DOHH: variants seen among roughly 807,000 people sequenced by gnomAD.
DOHH encodes HEAT-like (PBS lyase) repeat containing 1.
Under a neutral mutation model 19.9 loss-of-function variants are expected in DOHH, and 16 were observed. The observed-to-expected ratio is 0.80, with a 90% CI of 0.54 to 1.22. The LOEUF is 1.22. Among genes scored for constraint, DOHH ranks in the 50% most tolerant of loss-of-function variants. The pLI, the probability that DOHH is intolerant of heterozygous loss-of-function variation, is 0.00. For missense variants in DOHH, 460 were observed against 460.6 expected (o/e 1.00, Z 0.01); for synonymous variants, 233 against 217.0 (o/e 1.07, Z -0.65).
At position 3,491,728 on chromosome 19, in the gene DOHH, G is replaced by A; in HGVS notation, c.673C>T (p.Leu225=). ...GTGCATCGGGCCAGGGCGGCCGCCA[G>A]CTGGGGCACCGCCGCCTCGTGCTGC... ...QLQHEAAVPQ[L]AAALARCTEN... The change falls in exon 5 of 5, where the codon CTG becomes TTG. Residue 225 remains leucine, a synonymous_variant. Transcript: ENST00000427575. The surrounding 1 kb of genome is among the most constrained non-coding windows in gnomAD (Gnocchi z 5.6). The A allele has an allele frequency of 6.6e-7, 1 of 1,506,576 alleles. No individual in the cohort carries two copies. Among genetic ancestry groups the A allele is most frequent in the South Asian group, 1.3e-5 (1 of 79,310 alleles). The allele number at this position is 1,506,576 out of a possible 1,614,324, so 93.3% of individuals were successfully genotyped here.
Position 3,491,917 on chromosome 19 carries a change from T to C in DOHH, c.590-106A>G. 1 of 1,199,938 alleles carries C rather than the reference T, an allele frequency of 8.3e-7. No homozygotes were observed. The highest frequency in any genetic ancestry group is 1.1e-6 in the Non-Finnish European group (1 of 906,742). 74.3% of individuals were successfully genotyped at this position (1,199,938 alleles called of 1,614,324 possible). A position where few individuals can be genotyped will look rare whatever the true frequency, so the allele number is the denominator to read the frequency against. On this transcript the variant is annotated intron_variant, in intron 4 of 4. Coordinates refer to ENST00000427575, the MANE Select transcript of DOHH (RefSeq NM_001145165.2). The surrounding 1 kb of genome is among the most constrained non-coding windows in gnomAD (Gnocchi z 5.6). ...TATCTTGCCCAGGCAGGTCACAAAG[T>C]CCTGGCGATCTTCCCATCCCGGCCT...
At chr19:3,499,415 A>G (rs889668258) in intron 1 of DOHH, among the ~76,000 whole-genome samples, 4 of 152,240 alleles carry the variant, frequency 2.6e-5, no homozygotes, top group African/African-American at 9.6e-5. Context: ...GACTGAGTCT[A>G]TCTTGGTCAC....
chr19:3,492,567 G>A (rs1401714848), intron 3 of DOHH, 68 bp from the exon 4 acceptor site: 8 of 1,236,118 alleles, frequency 6.5e-6, no homozygotes, highest in Admixed American at 8.0e-5. Context: ...CCCACCCCCC[G>A]GGATGGCAGC....
intron 4 of DOHH, among the ~76,000 whole-genome samples, chr19:3,492,016 C>T (rs887168558): frequency 6.6e-6 from 1 of 152,156 alleles, no homozygotes; most frequent in African/African-American, 2.4e-5. Flanking sequence ...ACACCCCTGC[C>T]CCCAGCCCCA....
Position 3,496,556 on chromosome 19 carries a change from C to T in DOHH, c.259G>A (p.Val87Met). 1 of 1,612,220 alleles carries T rather than the reference C, an allele frequency of 6.2e-7. No individual in the cohort carries two copies. The highest frequency in any genetic ancestry group is 8.5e-7 in the Non-Finnish European group (1 of 1,179,166). The change falls in exon 2 of 5, where the codon GTG becomes ATG. Residue 87 changes from valine to methionine, a missense_variant. Val to Met is a conservative substitution (Grantham distance 21). Transcript: ENST00000427575. This position sits in a 1 kb window ranked among gnomAD's most constrained non-coding sequence, Gnocchi z 4.8. ...VLQDTRQEPM[V>M]RHEAGEALGA... ...AGGTGCTCACCTGCCTCATGGCGCA[C>T]CATGGGCTCCTGACGGGTGTCTTGC...
At position 3,496,366 on chromosome 19, in the gene DOHH, G is replaced by A. The variant is rs751723738; in HGVS notation, c.274+175C>T. ...AGCCATTTGGTGACAGATGACCTGC[G>A]CTGGCTTTATTGAGTCGCTGTCTGG... On this transcript the variant is annotated intron_variant, in intron 2 of 4. Coordinates refer to ENST00000427575, the MANE Select transcript of DOHH (RefSeq NM_001145165.2). This position sits in a 1 kb window ranked among gnomAD's most constrained non-coding sequence, Gnocchi z 4.8. 1.8e-4 allele frequency among the ~76,000 whole-genome samples: 28 copies of A among 152,210 alleles called. No homozygotes were observed. Among genetic ancestry groups the A allele is most frequent in the Non-Finnish European group, 3.4e-4 (23 of 68,042 alleles).
At position 3,491,741 on chromosome 19, in the gene DOHH, C is replaced by G; in HGVS notation, c.660G>C (p.Ala220=). ...GGGCGGCCGCCAGCTGGGGCACCGCCGCCTCGTGCTGCAGCTGTCCCAGGA... is the reference window on the plus strand; with the variant it reads ...GGGCGGCCGCCAGCTGGGGCACCGCGGCCTCGTGCTGCAGCTGTCCCAGGA... ...GYVLGQLQHE[A]AVPQLAAALA... Residue 220 remains alanine (A), a synonymous_variant, in exon 5 of 5, where the codon GCG becomes GCC. Coordinates refer to ENST00000427575, the MANE Select transcript of DOHH (RefSeq NM_001145165.2). The surrounding 1 kb of genome is among the most constrained non-coding windows in gnomAD (Gnocchi z 5.6). 6.6e-7 allele frequency: 1 copy of G among 1,510,588 alleles called. No individual in the cohort carries two copies. The highest frequency in any genetic ancestry group is 8.8e-7 in the Non-Finnish European group (1 of 1,132,348). 93.6% of individuals were successfully genotyped at this position (1,510,588 alleles called of 1,614,324 possible). A position where few individuals can be genotyped will look rare whatever the true frequency, so the allele number is the denominator to read the frequency against.
At chr19:3,499,841 G>T (rs1278166017) in intron 1 of DOHH, among the ~76,000 whole-genome samples, 2 of 152,090 alleles carry the variant, frequency 1.3e-5, no homozygotes, top group Non-Finnish European at 2.9e-5. Flanking sequence ...CATTTGCTAC[G>T]CGCCAGGCAC....
intron 1 of DOHH, among the ~76,000 whole-genome samples, chr19:3,497,578 A>G (rs1457607385): frequency 1.3e-5 from 2 of 152,172 alleles, no homozygotes; most frequent in Admixed American, 1.3e-4. Flanking sequence ...CCAGGCCCAG[A>G]GCAACTGTGT....
Position 3,496,803 on chromosome 19 carries a change from C to T in DOHH, c.12G>A (p.Glu4=), listed in dbSNP as rs2122067988. 6.3e-7 allele frequency: 1 copy of T among 1,589,484 alleles called. No individual in the cohort carries two copies. The highest frequency in any genetic ancestry group is 8.6e-7 in the Non-Finnish European group (1 of 1,169,510). ...TCTGCCCGATGGCATCCACCTCCTG[C>T]TCCGTCACCATCGTGCTGTCAATGG... MVT[E]QEVDAIGQTL... is the part of the protein sequence containing the mutation. Residue 4 remains glutamate, a synonymous_variant, in exon 2 of 5, where the codon GAG becomes GAA. Transcript: ENST00000427575. This position sits in a 1 kb window ranked among gnomAD's most constrained non-coding sequence, Gnocchi z 4.8.
chr19:3,491,644 C>A lies in DOHH; in HGVS notation c.757G>T (p.Ala253Ser), dbSNP rs537473356. 2.0e-6 allele frequency: 3 copies of A among 1,534,794 alleles called. No individual in the cohort carries two copies. The Admixed American group carries it at 5.9e-5, about 30-fold the overall frequency. The change falls in exon 5 of 5, where the codon GCC (alanine) becomes TCC (serine). Residue 253 changes from alanine to serine, a missense_variant. Coordinates refer to ENST00000427575, the MANE Select transcript of DOHH (RefSeq NM_001145165.2). The surrounding 1 kb of genome is among the most constrained non-coding windows in gnomAD (Gnocchi z 5.6). Reference sequence around the variant, plus strand: ...TGAGCCTGCAGCGCGGCCAGGCAGGCGGGCCGGGCAATGGCGCCCAGGGCC... The same window carrying A: ...TGAGCCTGCAGCGCGGCCAGGCAGGAGGGCCGGGCAATGGCGCCCAGGGCC... ...AEALGAIARP[A>S]CLAALQAHAD...
chr19:3,498,536 T>TGC (rs2082926519), intron 1 of DOHH, among the ~76,000 whole-genome samples: 1 of 151,816 alleles, frequency 6.6e-6, no homozygotes. Flanking sequence ...CTCCCGAGTA[T>TGC]CTGGGATTAT....
chr19:3,492,563 C>A, intron 3 of DOHH, 64 bp from the exon 4 acceptor site: 1 of 1,264,914 alleles, frequency 7.9e-7, no homozygotes, highest in Non-Finnish European at 1.0e-6. Context: ...CTTCCCCACC[C>A]CCCGGGATGG....
At chr19:3,497,001 T>G in intron 1 of DOHH, 115 bp from the exon 2 acceptor site, 1 of 684,632 alleles carries the variant, frequency 1.5e-6, no homozygotes, top group Non-Finnish European at 2.1e-6. Context: ...GCATCTACGC[T>G]GAAAGCTCAG....
Position 3,491,274 on chromosome 19 carries a change from G to A in DOHH, c.*218C>T. 1.7e-6 allele frequency: 1 copy of A among 601,064 alleles called. No individual in the cohort carries two copies. Among genetic ancestry groups the A allele is most frequent in the Non-Finnish European group, 2.9e-6 (1 of 346,176 alleles). The allele number at this position is 601,064 out of a possible 1,614,324, so 37.2% of individuals were successfully genotyped here. On this transcript the variant is annotated 3_prime_UTR_variant, in exon 5 of 5. Coordinates refer to ENST00000427575, the MANE Select transcript of DOHH (RefSeq NM_001145165.2). This position sits in a 1 kb window ranked among gnomAD's most constrained non-coding sequence, Gnocchi z 5.6. ...CAAGCCTGGAAACTTCCACGCTACAGCCCTGCGCCAGGCCCCGAGGAGCAG... is the reference window on the plus strand; with the variant it reads ...CAAGCCTGGAAACTTCCACGCTACAACCCTGCGCCAGGCCCCGAGGAGCAG...
intron 4 of DOHH, 57 bp downstream of exon 4, chr19:3,492,205 C>T: frequency 1.4e-6 from 2 of 1,382,952 alleles, no homozygotes; most frequent in Non-Finnish European, 1.9e-6. Flanking sequence ...CAGATGCCAT[C>T]ACTGAACCTC....
intron 3 of DOHH, among the ~76,000 whole-genome samples, chr19:3,493,487 G>C (rs2082886011): frequency 6.6e-6 from 1 of 152,058 alleles, no homozygotes; most frequent in Non-Finnish European, 1.5e-5. Flanking sequence ...GCAGGCGCCT[G>C]TAGTCCCAGC....
chr19:3,491,079 C>A lies in DOHH; in HGVS notation c.*413G>T, dbSNP rs1568219562. 1.4e-5 allele frequency: 3 copies of A among 221,900 alleles called. No individual in the cohort carries two copies. Among genetic ancestry groups the A allele is most frequent in the South Asian group, 6.0e-5 (1 of 16,594 alleles). The allele number at this position is 221,900 out of a possible 1,614,324, so 13.7% of individuals were successfully genotyped here. Reference sequence around the variant, plus strand: ...CGCGATCCTCCCCTGGCTCCCCTCGCGATCCTCCCTTGGCTTCCCTCGCGA... The same window carrying A: ...CGCGATCCTCCCCTGGCTCCCCTCGAGATCCTCCCTTGGCTTCCCTCGCGA... On this transcript the variant is annotated 3_prime_UTR_variant, in exon 5 of 5. Transcript: ENST00000427575. This position sits in a 1 kb window ranked among gnomAD's most constrained non-coding sequence, Gnocchi z 5.6.
In DOHH at chr19:3,492,221, G is replaced by A. The variant is rs202060994; in HGVS notation, c.589+41C>T. On this transcript the variant is annotated intron_variant, in intron 4 of 4. Transcript: ENST00000427575. ...AGATGCCATCACTGAACCTCACAGC[G>A]AGGCACTGCCCAGGACCCCACCCCA... is the stretch of plus-strand genomic sequence containing the variant. 6.1e-3 allele frequency: 8,634 copies of A among 1,413,080 alleles called. 45 individuals carry two copies. Among genetic ancestry groups the A allele is most frequent in the South Asian group, 0.016 (1,004 of 64,100 alleles). 87.5% of individuals were successfully genotyped at this position (1,413,080 alleles called of 1,614,324 possible).
Sources: gnomAD v4.1 joint callset for allele counts (sites outside exome capture counted in the v4.1 genomes callset) on GRCh38, gnomAD v4.1.1 for gene constraint, Gnocchi (gnomAD v3.1) non-coding constraint, MANE v1.5 for transcripts, NCBI Gene and HGNC (gene_info 2026-07-23, HGNC 2026-07-21) for gene names.